PLAC1: variants seen among roughly 807,000 people sequenced by gnomAD.
PLAC1 encodes placenta associated 1.
For missense variants in PLAC1, 136 were observed against 163.2 expected, an observed-to-expected ratio of 0.83 and a Z score of 0.91; for synonymous variants, 68 against 62.1, an observed-to-expected ratio of 1.09 and a Z score of -0.44.
chrX:134,686,420 A>G (rs1463061901), intron 2 of PLAC1, among the ~76,000 whole-genome samples: 1 of 111,318 alleles, frequency 9.0e-6, no homozygotes, highest in Admixed American at 9.5e-5. Context: ...AAGTAAATAA[A>G]CAAAGAAAAT....
At chrX:134,690,587 G>A (rs912559397) in intron 2 of PLAC1, among the ~76,000 whole-genome samples, 3 of 110,469 alleles carry the variant, frequency 2.7e-5, no homozygotes, top group Admixed American at 1.9e-4. Context: ...CTTGAAGACA[G>A]GGCTCCAGGT....
At chrX:134,614,981 A>G (rs962230206) in intron 1 of PLAC1, among the ~76,000 whole-genome samples, 8 of 111,403 alleles carry the variant, frequency 7.2e-5, no homozygotes, top group African/African-American at 2.6e-4. Flanking sequence ...GCATCCATCC[A>G]TGGACACAAA....
chrX:134,728,971 C>A (rs1453584870), intron 2 of PLAC1, among the ~76,000 whole-genome samples: 1 of 111,078 alleles, frequency 9.0e-6, no homozygotes, highest in Non-Finnish European at 1.9e-5. Context: ...ATTGCAGAGC[C>A]CATAAGTTTA....
chrX:134,572,633 A>C (rs1019082155), intron 2 of PLAC1, among the ~76,000 whole-genome samples: 6 of 111,892 alleles, frequency 5.4e-5, no homozygotes, highest in Admixed American at 9.5e-5. Flanking sequence ...GCAGCCATTA[A>C]AAATTTATTT....
In PLAC1 at chrX:134,566,630, GA is replaced by G; in HGVS notation, c.52del (p.Ser18GlnfsTer9). ...CATTGGACTTTGTCCTGAACCGGCT[GA>G]AAACGCAGAGGTGAGGAGGATCATC... ...GLMILLTSAF[S>X]AGSGQSPMTV... On this transcript the variant is annotated frameshift_variant, in exon 3 of 3. Coordinates refer to ENST00000359237, the MANE Select transcript of PLAC1 (RefSeq NM_021796.4). LOFTEE classifies it low-confidence loss of function (END_TRUNC). The G allele has an allele frequency of 8.3e-7, 1 of 1,207,899 alleles. No individual in the cohort carries two copies. Among genetic ancestry groups the G allele is most frequent in the Non-Finnish European group, 1.1e-6 (1 of 892,581 alleles).
chrX:134,623,983 A>G (rs1269156322), intron 1 of PLAC1, among the ~76,000 whole-genome samples: 1 of 111,698 alleles, frequency 9.0e-6, no homozygotes, highest in Non-Finnish European at 1.9e-5. Flanking sequence ...AGATTTATCA[A>G]GTGTCAGAGT....
chrX:134,603,321 T>A (rs1466465886), intron 1 of PLAC1, among the ~76,000 whole-genome samples: 95 of 25,480 alleles, frequency 3.7e-3, no homozygotes, highest in Admixed American at 5.8e-3. Context: ...ATATTTTTTT[T>A]TTTTTTTTTT....
intron 2 of PLAC1, among the ~76,000 whole-genome samples, chrX:134,584,381 T>A (rs1204030103): frequency 8.9e-6 from 1 of 111,785 alleles, no homozygotes; most frequent in African/African-American, 3.2e-5. Context: ...GACCAAGTAG[T>A]AGGGTGCTAG....
chrX:134,761,234 G>A (rs17000702), intron 1 of PLAC1, among the ~76,000 whole-genome samples: 7,258 of 111,371 alleles, frequency 0.065, 537 homozygotes, highest in African/African-American at 0.22. Context: ...AACTTTCTCC[G>A]TAAGAATGCA....
chrX:134,688,523 T>C (rs2078526039), intron 2 of PLAC1, among the ~76,000 whole-genome samples: 1 of 112,378 alleles, frequency 8.9e-6, no homozygotes, highest in African/African-American at 3.2e-5. Context: ...AATCCTTCTA[T>C]GCATTAAAGC....
chrX:134,702,034 C>T (rs1348216492), intron 2 of PLAC1, among the ~76,000 whole-genome samples: 1 of 111,320 alleles, frequency 9.0e-6, no homozygotes, highest in South Asian at 3.8e-4. Flanking sequence ...CAAACGAACA[C>T]AATGAAATAC....
chrX:134,731,688 A>C (rs2078689273), intron 2 of PLAC1, among the ~76,000 whole-genome samples: 1 of 111,364 alleles, frequency 9.0e-6, no homozygotes, highest in African/African-American at 3.3e-5. Context: ...TTTCTGGGGC[A>C]TTGGGAAGCT....
At chrX:134,655,125 T>A (rs897786934) in intron 1 of PLAC1, among the ~76,000 whole-genome samples, 1 of 111,174 alleles carries the variant, frequency 9.0e-6, no homozygotes, top group African/African-American at 3.3e-5. Flanking sequence ...GGCAGAAAGG[T>A]TCCCCCCATA....
intron 2 of PLAC1, among the ~76,000 whole-genome samples, chrX:134,673,606 C>T (rs2078463730): frequency 9.1e-6 from 1 of 110,373 alleles, no homozygotes; most frequent in Non-Finnish European, 1.9e-5. Context: ...CACCCCAGTC[C>T]CCAAGCCCTG....
intron 2 of PLAC1, among the ~76,000 whole-genome samples, chrX:134,719,183 A>G (rs756918635): frequency 3.6e-5 from 4 of 112,009 alleles, no homozygotes; most frequent in Non-Finnish European, 3.8e-5. Flanking sequence ...CACTGTGAAC[A>G]TAACAAATGT....
intron 1 of PLAC1, among the ~76,000 whole-genome samples, chrX:134,619,636 G>C (rs1261805642): frequency 9.9e-6 from 1 of 100,536 alleles, no homozygotes; most frequent in Non-Finnish European, 2.0e-5. Flanking sequence ...GGGTGACAAA[G>C]CAAGACTCCA....
chrX:134,757,320 C>T (rs1189241040), intron 1 of PLAC1, among the ~76,000 whole-genome samples: 8 of 113,114 alleles, frequency 7.1e-5, no homozygotes, highest in African/African-American at 1.9e-4. Flanking sequence ...CACCTCCTGA[C>T]GTGAGGCAAT....
intron 1 of PLAC1, among the ~76,000 whole-genome samples, chrX:134,736,294 G>C (rs1389814884): frequency 9.0e-6 from 1 of 110,834 alleles, no homozygotes; most frequent in Non-Finnish European, 1.9e-5. Context: ...AAAAGAAGAA[G>C]AAGAAAAGGG....
intron 1 of PLAC1, among the ~76,000 whole-genome samples, chrX:134,621,444 C>CAAAAAAAAAAA (rs11317429): frequency 3.0e-5 from 1 of 33,854 alleles, no homozygotes; most frequent in Non-Finnish European, 4.8e-5. Flanking sequence ...GGCTCTGTCT[C>CAAAAAAAAAAA]AAAAAAAAAA....
Sources: gnomAD v4.1 joint callset for allele counts (sites outside exome capture counted in the v4.1 genomes callset) on GRCh38, gnomAD v4.1.1 for gene constraint, MANE v1.5 for transcripts, NCBI Gene and HGNC (gene_info 2026-07-23, HGNC 2026-07-21) for gene names.